DNAH17: variants seen among roughly 807,000 people sequenced by gnomAD.
DNAH17 encodes the protein dynein axonemal heavy chain 17.
In DNAH17, 376 loss-of-function variants were observed where a neutral mutation model predicts 485.6. The observed-to-expected ratio is 0.77, with a 90% CI of 0.71 to 0.84. DNAH17 has a LOEUF of 0.84. Ranked by LOEUF, DNAH17 falls within the 40% of genes least tolerant of loss-of-function variation. DNAH17 has a pLI of 0.00. For missense variants in DNAH17, 6,370 were observed against 5,839.3 expected (o/e 1.09, Z -2.96); for synonymous variants, 3,031 against 2,405.9 (o/e 1.26, Z -7.60).
At position 78,478,013 on chromosome 17, in the gene DNAH17, A is replaced by G. The variant is rs1348554880; in HGVS notation, c.7992+1012T>C. Among the ~76,000 whole-genome samples the G allele has an allele frequency of 4.4e-5, 6 of 135,448 alleles. 1 individual carries two copies. Among genetic ancestry groups the G allele is most frequent in the African/African-American group, 2.0e-4 (6 of 29,318 alleles). The allele number at this position is 135,448 out of a possible 152,430, so 88.9% of individuals were successfully genotyped here. ...CATCACCACCACCATCATCACCATC[A>G]TCACCATCACCACCACCATCACACC... On this transcript the variant is annotated intron_variant, in intron 51 of 80. Transcript: ENST00000389840.
chr17:78,526,605 G>A (rs1003952407), intron 24 of DNAH17, 46 bp downstream of exon 24: 9 of 1,476,546 alleles, frequency 6.1e-6, no homozygotes, highest in East Asian at 2.3e-5. Flanking sequence ...AGAAAGCAGT[G>A]GGGTTCCCAG....
intron 33 of DNAH17, 179 bp downstream of exon 33, chr17:78,502,412 G>A (rs1010096003): frequency 1.8e-6 from 1 of 548,658 alleles, no homozygotes; most frequent in Non-Finnish European, 3.2e-6. Context: ...AGAGGTGCCT[G>A]GGGCTGTGGT....
intron 76 of DNAH17, 72 bp downstream of exon 76, chr17:78,429,049 G>T: frequency 6.6e-7 from 1 of 1,511,584 alleles, no homozygotes; most frequent in South Asian, 1.2e-5. Context: ...CACTCCATTT[G>T]TGCTGGCAGG....
intron 25 of DNAH17, among the ~76,000 whole-genome samples, chr17:78,516,231 T>A (rs1568185102): frequency 1.3e-5 from 2 of 152,218 alleles, no homozygotes. Context: ...TTGGCTAGTG[T>A]GTTTTGGAGA....
At chr17:78,500,652 G>A in intron 35 of DNAH17, 191 bp from the exon 36 acceptor site, 1 of 462,596 alleles carries the variant, frequency 2.2e-6, no homozygotes, top group Non-Finnish European at 3.6e-6. Context: ...GGGACTATAG[G>A]CGCCCGCCAC....
chr17:78,471,344 G>T (rs2088739932), intron 54 of DNAH17, among the ~76,000 whole-genome samples: 1 of 152,178 alleles, frequency 6.6e-6, no homozygotes, highest in African/African-American at 2.4e-5. Flanking sequence ...GGCAGCAGGT[G>T]GGCCGCAGGT....
chr17:78,483,131 AG>A (rs35765434), intron 48 of DNAH17, among the ~76,000 whole-genome samples: 22,218 of 152,022 alleles, frequency 0.15, 1,815 homozygotes, highest in South Asian at 0.22. Flanking sequence ...ACACCACGTT[AG>A]GTTCTCCTCA....
chr17:78,483,951 G>C (rs1052388320), intron 48 of DNAH17, among the ~76,000 whole-genome samples: 1 of 151,764 alleles, frequency 6.6e-6, no homozygotes, highest in Non-Finnish European at 1.5e-5. Flanking sequence ...ACAAAAATTA[G>C]CCGGCGTGGT....
intron 17 of DNAH17, among the ~76,000 whole-genome samples, chr17:78,542,340 G>A (rs1026707069): frequency 4.0e-5 from 6 of 151,888 alleles, no homozygotes; most frequent in African/African-American, 1.5e-4. Flanking sequence ...TAGAGACAGG[G>A]TTTCACCATG....
chr17:78,484,992 A>G lies in DNAH17; in HGVS notation c.7525T>C (p.Tyr2509His), dbSNP rs762641006. Residue 2509 changes from tyrosine to histidine, a missense_variant, in exon 48 of 81, where the codon TAC becomes CAC. Physicochemically the swap from Tyr to His is moderately conservative, Grantham distance 83 (BLOSUM62 2). Coordinates refer to ENST00000389840, the MANE Select transcript of DNAH17 (RefSeq NM_173628.4). ...KPLEKKSGRNYGPPGTKKLVY... is the reference protein window; with the variant it reads ...KPLEKKSGRNHGPPGTKKLVY... ...AGCTTCTTAGTGCCTGGCGGCCCGTAGTTCCTCCCCGATTTCTTCTCCAGC... is the reference window on the plus strand; with the variant it reads ...AGCTTCTTAGTGCCTGGCGGCCCGTGGTTCCTCCCCGATTTCTTCTCCAGC... 1 of 1,613,342 alleles carries G rather than the reference A, an allele frequency of 6.2e-7. No homozygotes were observed. The highest frequency in any genetic ancestry group is 1.7e-5 in the Admixed American group (1 of 59,922).
At chr17:78,494,475 T>G in intron 40 of DNAH17, 118 bp downstream of exon 40, 1 of 1,207,962 alleles carries the variant, frequency 8.3e-7, no homozygotes, top group Non-Finnish European at 1.2e-6. Flanking sequence ...AGAGGTCTCT[T>G]TGTAGCATCG....
At chr17:78,485,782 G>A (rs1356198448) in intron 46 of DNAH17, 25 bp from the exon 47 acceptor site, 3 of 1,609,356 alleles carry the variant, frequency 1.9e-6, no homozygotes, top group Non-Finnish European at 2.5e-6. Context: ...GGAAGGGGAG[G>A]GAGCTGTGAT....
chr17:78,458,053 C>T (rs1217968587), intron 62 of DNAH17, among the ~76,000 whole-genome samples: 4 of 152,192 alleles, frequency 2.6e-5, no homozygotes, highest in Non-Finnish European at 5.9e-5. Context: ...ATCCGCCTGC[C>T]TCGGCCTCCC....
chr17:78,485,917 C>A, intron 46 of DNAH17, 43 bp downstream of exon 46: 1 of 1,601,120 alleles, frequency 6.2e-7, no homozygotes, highest in South Asian at 1.1e-5. Flanking sequence ...CCGATTCCTG[C>A]CTCTAAATCA....
In DNAH17 at chr17:78,453,450, G is replaced by A. The variant is rs144573081; in HGVS notation, c.10422C>T (p.Ile3474=). The A allele has an allele frequency of 1.3e-5, 21 of 1,613,906 alleles. No individual in the cohort carries two copies. Among genetic ancestry groups the A allele is most frequent in the African/African-American group, 1.3e-5 (1 of 75,058 alleles). Residue 3474 remains isoleucine (I), a synonymous_variant, in exon 65 of 81, where the codon ATC becomes ATT. Coordinates refer to ENST00000389840, the MANE Select transcript of DNAH17 (RefSeq NM_173628.4). ...RLGQKSYLDV[I]EQAISEGDTL... The stretch of plus-strand genomic sequence containing the variant: ...TGTCCCCTTCCGAGATGGCCTGCTC[G>A]ATGACATCCAGGTAGCTGCGGGCAC...
chr17:78,466,316 TC>T (rs1438985336), intron 56 of DNAH17, among the ~76,000 whole-genome samples: 2 of 152,104 alleles, frequency 1.3e-5, no homozygotes, highest in Non-Finnish European at 2.9e-5. Flanking sequence ...GGCCTCAGGG[TC>T]CTCTGCCTAG....
rs370764200 is a variant in DNAH17, at chr17:78,492,742, G to C, written c.6432C>G (p.Thr2144=). 928 of 1,612,556 alleles carry C rather than the reference G, an allele frequency of 5.8e-4. 3 individuals carry two copies. The highest frequency in any genetic ancestry group is 6.6e-4 in the Non-Finnish European group (776 of 1,179,332). Residue 2144 remains threonine (T), a synonymous_variant, in exon 42 of 81, where the codon ACC becomes ACG. Coordinates refer to ENST00000389840, the MANE Select transcript of DNAH17 (RefSeq NM_173628.4). ...CCGGCTTCCTCTTCAGGTTCTGATA[G>C]GTCTTGTTGAGGGATTTGAGGACCT... ...KSQVLKSLNK[T]YQNLKRKPVA...
At chr17:78,428,822 A>G in intron 76 of DNAH17, 115 bp from the exon 77 acceptor site, 2 of 1,293,490 alleles carry the variant, frequency 1.5e-6, no homozygotes, top group South Asian at 2.7e-5. Context: ...GTCTGTACAG[A>G]TCCCACTTGT....
At chr17:78,493,985 C>A in intron 41 of DNAH17, 51 bp downstream of exon 41, 4 of 1,576,962 alleles carry the variant, frequency 2.5e-6, no homozygotes, top group Non-Finnish European at 3.4e-6. Context: ...TCGCCCCAGC[C>A]CTCCCCCACC....
Sources: allele counts gnomAD v4.1 joint callset (sites outside exome capture counted in the v4.1 genomes callset), GRCh38; gene constraint gnomAD v4.1.1; transcripts MANE v1.5; gene names NCBI Gene and HGNC (gene_info 2026-07-23, HGNC 2026-07-21).